Variants in ZSCAN16 observed in about 807,000 individuals in gnomAD.
ZSCAN16 encodes the protein zinc finger and SCAN domain-containing protein 16.
Under a neutral mutation model 19.4 loss-of-function variants are expected in ZSCAN16, and 15 were observed. The ratio of observed to expected loss-of-function variants is 0.77; its 90% CI spans 0.52 to 1.19. ZSCAN16 has a LOEUF of 1.19. Ranked by LOEUF, ZSCAN16 falls within the 50% of genes most tolerant of loss-of-function variation. The pLI is 0.00. For synonymous variants in ZSCAN16, 138 were observed against 146.5 expected (o/e 0.94, Z 0.42); for missense variants, 327 against 415.7 (o/e 0.79, Z 1.86).
intron 3 of ZSCAN16, among the ~76,000 whole-genome samples, chr6:28,128,798 A>C (rs945894270): frequency 7.2e-5 from 11 of 152,102 alleles, no homozygotes; most frequent in African/African-American, 2.7e-4. Flanking sequence ...AAAATATTTT[A>C]CCCAGCATAT....
At chr6:28,128,759 G>T (rs1476466737) in intron 3 of ZSCAN16, among the ~76,000 whole-genome samples, 1 of 152,150 alleles carries the variant, frequency 6.6e-6, no homozygotes, top group Non-Finnish European at 1.5e-5. Flanking sequence ...GACAGGAGGT[G>T]ATGACAGCAA....
chr6:28,124,828 G>C (rs915055814), intron 1 of ZSCAN16, among the ~76,000 whole-genome samples, 151 bp downstream of exon 1: 8 of 152,176 alleles, frequency 5.3e-5, no homozygotes, highest in African/African-American at 1.7e-4. Flanking sequence ...GAGAGGATTT[G>C]GCCCAGCCTT....
At chr6:28,129,294 A>AT in intron 3 of ZSCAN16, 136 bp from the exon 4 acceptor site, 1 of 1,094,118 alleles carries the variant, frequency 9.1e-7, no homozygotes, top group Non-Finnish European at 1.3e-6. Flanking sequence ...GGTACCAAAT[A>AT]TTTGATATGT....
rs778995345 is a variant in ZSCAN16, at chr6:28,126,821, C to T, written c.426C>T (p.Asp142=). Residue 142 remains aspartate, a synonymous_variant, in exon 3 of 4, where the codon GAC becomes GAT. Transcript: ENST00000340487. ...CAGAAAGACGGGACATACTCATGGA[C>T]AAGTTGGCCCCCTTGGGAAGGCCAT... ...GNSERRDILM[D]KLAPLGRPYE... 16 of 1,578,946 alleles carry T rather than the reference C, an allele frequency of 1.0e-5. No homozygotes were observed. The highest frequency in any genetic ancestry group is 5.8e-5 in the South Asian group (5 of 86,584).
chr6:28,129,471 G>T lies in ZSCAN16; in HGVS notation c.568G>T (p.Glu190Ter), dbSNP rs201405736. ...RTKNEELFQK[E>*]DMPKDKEFLG... ...TAAGAATGAAGAGTTGTTCCAGAAGGAAGATATGCCCAAAGACAAGGAATT... is the reference window on the plus strand; with the variant it reads ...TAAGAATGAAGAGTTGTTCCAGAAGTAAGATATGCCCAAAGACAAGGAATT... Residue 190 changes from glutamate to a stop codon, truncating the protein, a stop_gained, in exon 4 of 4, where the codon GAA becomes TAA. Coordinates refer to ENST00000340487, the MANE Select transcript of ZSCAN16 (RefSeq NM_025231.3). LOFTEE classifies it low-confidence loss of function (END_TRUNC). 2.7e-5 allele frequency: 43 copies of T among 1,613,368 alleles called. No individual in the cohort carries two copies. Among genetic ancestry groups the T allele is most frequent in the Admixed American group, 2.3e-4 (14 of 59,926 alleles).
intron 3 of ZSCAN16, among the ~76,000 whole-genome samples, chr6:28,129,207 T>C (rs1262655763): frequency 6.6e-6 from 1 of 152,226 alleles, no homozygotes; most frequent in Non-Finnish European, 1.5e-5. Context: ...AACAACTTGT[T>C]CTGCTGATAT....
At chr6:28,126,708 T>G in intron 2 of ZSCAN16, 75 bp from the exon 3 acceptor site, 1 of 1,200,244 alleles carries the variant, frequency 8.3e-7, no homozygotes, top group Non-Finnish European at 1.1e-6. Flanking sequence ...CCCTGGAAGA[T>G]GTTTCATTTG....
rs150701929 is a variant in ZSCAN16, at chr6:28,126,832, C to T, written c.437C>T (p.Pro146Leu). The stretch of plus-strand genomic sequence containing the variant: ...GACATACTCATGGACAAGTTGGCCC[C>T]CTTGGGAAGGCCATATGAATCACTG... ...RRDILMDKLA[P>L]LGRPYESLTV... The change falls in exon 3 of 4, where the codon CCC (proline) becomes CTC (leucine). Residue 146 changes from proline (P) to leucine (L), a missense_variant. Transcript: ENST00000340487. 1.7e-4 allele frequency: 272 copies of T among 1,587,976 alleles called. 1 individual carries two copies. The African/African-American group carries it at 3.1e-3, about 18-fold the overall frequency.
In ZSCAN16 at chr6:28,125,459, G is replaced by C. The variant is rs760171171; in HGVS notation, c.16G>C (p.Glu6Gln). 2 of 1,613,460 alleles carry C rather than the reference G, an allele frequency of 1.2e-6. No individual in the cohort carries two copies. The highest frequency in any genetic ancestry group is 4.5e-5 in the East Asian group (2 of 44,888). The change falls in exon 2 of 4, where the codon GAA becomes CAA. Residue 6 changes from glutamate (E) to glutamine (Q), a missense_variant. Transcript: ENST00000340487. The surrounding 1 kb of genome is among the most constrained non-coding windows in gnomAD (Gnocchi z 6.2). MTTAL[E>Q]PEDQKGLLII... Reference sequence around the variant, plus strand: ...AAAGCCCAGAATGACCACAGCCCTGGAACCTGAGGACCAAAAAGGACTTCT... The same window carrying C: ...AAAGCCCAGAATGACCACAGCCCTGCAACCTGAGGACCAAAAAGGACTTCT...
rs1436509406 is a variant in ZSCAN16, at chr6:28,125,725, T to C, written c.282T>C (p.Pro94=). 6.2e-7 allele frequency: 1 copy of C among 1,614,062 alleles called. No homozygotes were observed. The highest frequency in any genetic ancestry group is 8.5e-7 in the Non-Finnish European group (1 of 1,180,038). The change falls in exon 2 of 4, where the codon CCT becomes CCC. Residue 94 remains proline (P), a synonymous_variant. Coordinates refer to ENST00000340487, the MANE Select transcript of ZSCAN16 (RefSeq NM_025231.3). The surrounding 1 kb of genome is among the most constrained non-coding windows in gnomAD (Gnocchi z 6.2). ...TAGAACAGTTCCTGAGCATTCTTCC[T>C]AAAGACCTGCAAGCATGGGTGCGTG... ...LVLEQFLSIL[P]KDLQAWVRAH...
chr6:28,128,983 A>AT (rs1231268687), intron 3 of ZSCAN16, among the ~76,000 whole-genome samples: 18 of 151,856 alleles, frequency 1.2e-4, no homozygotes, highest in Admixed American at 1.2e-3. Context: ...TATCCTCTCC[A>AT]TTCACTTTTA....
Position 28,125,899 on chromosome 6 carries a change from T to C in ZSCAN16, c.387+69T>C. The C allele has an allele frequency of 8.6e-7, 1 of 1,168,262 alleles. No individual in the cohort carries two copies. Among genetic ancestry groups the C allele is most frequent in the Non-Finnish European group, 1.2e-6 (1 of 834,924 alleles). The allele number at this position is 1,168,262 out of a possible 1,614,324, so 72.4% of individuals were successfully genotyped here. ...GGATGGAGCCAAAGCAAAAGGCATA[T>C]GAAAGAACATCTGAAAATATTTATC... On this transcript the variant is annotated intron_variant, in intron 2 of 3. Transcript: ENST00000340487. This position sits in a 1 kb window ranked among gnomAD's most constrained non-coding sequence, Gnocchi z 6.2.
In ZSCAN16 at chr6:28,125,855, G is replaced by C; in HGVS notation, c.387+25G>C. 1 of 1,547,864 alleles carries C rather than the reference G, an allele frequency of 6.5e-7. No homozygotes were observed. Among genetic ancestry groups the C allele is most frequent in the Admixed American group, 1.9e-5 (1 of 51,788 alleles). On this transcript the variant is annotated intron_variant, in intron 2 of 3. Transcript: ENST00000340487. The surrounding 1 kb of genome is among the most constrained non-coding windows in gnomAD (Gnocchi z 6.2). ...GGTGTGAAGGGGCAGTCATCTGGCT[G>C]TGAGTGATCAGGGGATATGGATGGA... is the stretch of plus-strand genomic sequence containing the variant.
chr6:28,125,702 G>C lies in ZSCAN16; in HGVS notation c.259G>C (p.Glu87Gln). The change falls in exon 2 of 4, where the codon GAA becomes CAA. Residue 87 changes from glutamate (E) to glutamine (Q), a missense_variant. Physicochemically the swap from Glu to Gln is conservative, Grantham distance 29 (BLOSUM62 2). Transcript: ENST00000340487. The surrounding 1 kb of genome is among the most constrained non-coding windows in gnomAD (Gnocchi z 6.2). ...GCAGATTTTAGACCTGCTGGTGCTAGAACAGTTCCTGAGCATTCTTCCTAA... is the reference window on the plus strand; with the variant it reads ...GCAGATTTTAGACCTGCTGGTGCTACAACAGTTCCTGAGCATTCTTCCTAA... ...KEQILDLLVL[E>Q]QFLSILPKDL... 6.2e-7 allele frequency: 1 copy of C among 1,614,224 alleles called. No individual in the cohort carries two copies. The highest frequency in any genetic ancestry group is 8.5e-7 in the Non-Finnish European group (1 of 1,180,048).
intron 3 of ZSCAN16, 176 bp from the exon 4 acceptor site, chr6:28,129,252 ACT>A: frequency 3.3e-6 from 1 of 304,640 alleles, no homozygotes; most frequent in Non-Finnish European, 4.8e-6. Context: ...TTACATTGTG[ACT>A]CTGTGCTATG....
Position 28,125,676 on chromosome 6 carries a change from A to G in ZSCAN16, c.233A>G (p.Glu78Gly), listed in dbSNP as rs147444808. Residue 78 changes from glutamate to glycine, a missense_variant, in exon 2 of 4, where the codon GAG becomes GGG. By Grantham distance (98) the Glu-to-Gly change is moderately conservative. Transcript: ENST00000340487. This position sits in a 1 kb window ranked among gnomAD's most constrained non-coding sequence, Gnocchi z 6.2. Reference protein sequence around the residue: ...QWLRPECHTKEQILDLLVLEQ... With the variant: ...QWLRPECHTKGQILDLLVLEQ... ...CTGAGGCCAGAATGCCACACCAAGG[A>G]GCAGATTTTAGACCTGCTGGTGCTA... The G allele has an allele frequency of 4.3e-5, 70 of 1,614,098 alleles. No homozygotes were observed. The African/African-American group carries it at 8.9e-4, about 21-fold the overall frequency.
chr6:28,128,756 G>A (rs1259022969), intron 3 of ZSCAN16, among the ~76,000 whole-genome samples: 1 of 152,114 alleles, frequency 6.6e-6, no homozygotes, highest in Non-Finnish European at 1.5e-5. Flanking sequence ...TTAGACAGGA[G>A]GTGATGACAG....
intron 2 of ZSCAN16, 76 bp from the exon 3 acceptor site, chr6:28,126,707 A>T (rs1764914283): frequency 1.7e-6 from 2 of 1,196,132 alleles, no homozygotes; most frequent in Admixed American, 6.0e-5. Context: ...TCCCTGGAAG[A>T]TGTTTCATTT....
intron 3 of ZSCAN16, among the ~76,000 whole-genome samples, chr6:28,127,296 A>G (rs1287154206): frequency 6.6e-6 from 1 of 152,222 alleles, no homozygotes; most frequent in African/African-American, 2.4e-5. Context: ...GTGGCTTAAC[A>G]GAAATTTATT....
Sources: allele counts gnomAD v4.1 joint callset (sites outside exome capture counted in the v4.1 genomes callset), GRCh38; gene constraint gnomAD v4.1.1; non-coding constraint Gnocchi (gnomAD v3.1); transcripts MANE v1.5; gene names NCBI Gene and HGNC (gene_info 2026-07-23, HGNC 2026-07-21).